Variants in EYS observed in about 807,000 individuals in gnomAD.
EYS encodes the protein protein eyes shut homolog.
Under a neutral mutation model 282.1 loss-of-function variants are expected in EYS, and 250 were observed. That is an observed-to-expected ratio of 0.89 (90% confidence interval 0.80 to 0.98). The LOEUF (loss-of-function observed/expected upper bound fraction) is 0.98. Ranked by LOEUF, EYS falls within the 50% of genes least tolerant of loss-of-function variation. EYS has a pLI of 0.00. For missense variants in EYS, 4,016 were observed against 3,709.0 expected (o/e 1.08, Z -2.15); for synonymous variants, 1,355 against 1,282.9 (o/e 1.06, Z -1.20).
intron 5 of EYS, among the ~76,000 whole-genome samples, chr6:65,438,305 T>C (rs9453300): frequency 1.4e-4 from 22 of 151,810 alleles, no homozygotes; most frequent in African/African-American, 5.3e-4. Flanking sequence ...TGAATAGTGC[T>C]GCAATAAACA....
intron 11 of EYS, among the ~76,000 whole-genome samples, chr6:65,313,690 A>G (rs1267450155): frequency 6.6e-6 from 1 of 152,112 alleles, no homozygotes; most frequent in East Asian, 1.9e-4. Flanking sequence ...CCTTCTCAGT[A>G]TCTTCACAGC....
chr6:65,229,220 T>C (rs753403131), intron 12 of EYS, among the ~76,000 whole-genome samples: 1 of 151,974 alleles, frequency 6.6e-6, no homozygotes, highest in African/African-American at 2.4e-5. Context: ...GTGTCCAGTG[T>C]ATTTAGCAAG....
intron 19 of EYS, among the ~76,000 whole-genome samples, chr6:64,841,996 A>T (rs1319640881): frequency 2.0e-5 from 3 of 152,134 alleles, no homozygotes. Context: ...CCAGGATTAG[A>T]TGGCTTTGTC....
intron 5 of EYS, among the ~76,000 whole-genome samples, chr6:65,433,136 A>G (rs1767944751): frequency 6.6e-6 from 1 of 152,206 alleles, no homozygotes; most frequent in Non-Finnish European, 1.5e-5. Flanking sequence ...GGAAAAGTCT[A>G]TTGAGCCTTT....
At chr6:63,803,214 G>A (rs1394179427) in intron 37 of EYS, among the ~76,000 whole-genome samples, 1 of 150,694 alleles carries the variant, frequency 6.6e-6, no homozygotes, top group African/African-American at 2.4e-5. Flanking sequence ...ACAGACCTAG[G>A]GTCTGCAATA....
chr6:65,442,859 C>G (rs991693211), intron 5 of EYS, among the ~76,000 whole-genome samples: 8 of 116,132 alleles, frequency 6.9e-5, no homozygotes, highest in African/African-American at 2.2e-4. Context: ...TACATATGTA[C>G]ATATATACAT....
intron 1 of EYS, among the ~76,000 whole-genome samples, chr6:65,676,681 G>A (rs1768613103): frequency 6.6e-6 from 1 of 151,704 alleles, no homozygotes. Flanking sequence ...TATTGAAGAG[G>A]AGACAATACT....
intron 12 of EYS, among the ~76,000 whole-genome samples, chr6:65,192,648 A>G (rs542826231): frequency 6.6e-6 from 1 of 151,880 alleles, no homozygotes; most frequent in South Asian, 2.1e-4. Flanking sequence ...CCCCACTAAA[A>G]CTAATGTTGA....
At chr6:65,417,427 C>A (rs899203546) in intron 5 of EYS, among the ~76,000 whole-genome samples, 2 of 152,022 alleles carry the variant, frequency 1.3e-5, no homozygotes, top group African/African-American at 4.8e-5. Context: ...ATGTGTGACT[C>A]TCACCACTCA....
At chr6:65,197,889 G>C (rs1290316176) in intron 12 of EYS, among the ~76,000 whole-genome samples, 1 of 151,732 alleles carries the variant, frequency 6.6e-6, no homozygotes, top group African/African-American at 2.4e-5. Context: ...GACATTATTG[G>C]TTTTATAAAC....
chr6:65,251,289 G>T lies in EYS; in HGVS notation c.2023+44574C>A, dbSNP rs528154582. On this transcript the variant is annotated intron_variant, in intron 12 of 42. Coordinates refer to ENST00000503581, the MANE Select transcript of EYS (RefSeq NM_001142800.2). The stretch of plus-strand genomic sequence containing the variant: ...AAATTAATTACAAAATTTATGAAAA[G>T]TAAACTACACTAGAAAATACTGATG... Among the ~76,000 whole-genome samples, 4 of 151,398 alleles carry T rather than the reference G, an allele frequency of 2.6e-5. No individual in the cohort carries two copies. The South Asian group carries it at 8.3e-4, about 31-fold the overall frequency.
At chr6:65,703,423 C>T (rs1769754900) in intron 1 of EYS, among the ~76,000 whole-genome samples, 1 of 151,812 alleles carries the variant, frequency 6.6e-6, no homozygotes. Flanking sequence ...AGACTTATAT[C>T]CTAAAATGTA....
chr6:64,144,596 A>G (rs1219617266), intron 31 of EYS, among the ~76,000 whole-genome samples: 3 of 152,114 alleles, frequency 2.0e-5, no homozygotes, highest in South Asian at 4.1e-4. Context: ...GTTCTCCTAC[A>G]TGGTGTGCTA....
intron 26 of EYS, among the ~76,000 whole-genome samples, chr6:64,486,391 C>T (rs944518290): frequency 3.3e-5 from 5 of 151,420 alleles, no homozygotes; most frequent in Admixed American, 1.3e-4. Flanking sequence ...CTATGATGCA[C>T]CAACAAAATC....
intron 12 of EYS, among the ~76,000 whole-genome samples, chr6:65,098,476 G>A (rs986619822): frequency 2.7e-5 from 4 of 150,722 alleles, no homozygotes; most frequent in African/African-American, 4.8e-5. Flanking sequence ...CTCCCATTTC[G>A]TCTAGTAAAG....
At chr6:64,246,219 T>A (rs1006504198) in intron 30 of EYS, among the ~76,000 whole-genome samples, 3 of 151,720 alleles carry the variant, frequency 2.0e-5, no homozygotes, top group Non-Finnish European at 2.9e-5. Context: ...TTTCCTTCTT[T>A]CTGTTTTATC....
rs142474582 is a variant in EYS, at chr6:65,443,094, T to C, written c.863-37727A>G. ...ATGTATGTGTCTATACATACATGCATATGCATATACATATATGTGGATCAT... is the reference window on the plus strand; with the variant it reads ...ATGTATGTGTCTATACATACATGCACATGCATATACATATATGTGGATCAT... On this transcript the variant is annotated intron_variant, in intron 5 of 42. Transcript: ENST00000503581. Among the ~76,000 whole-genome samples the C allele has an allele frequency of 9.0e-4, 137 of 151,818 alleles. 1 individual carries two copies. The highest frequency in any genetic ancestry group is 3.1e-3 in the African/African-American group (128 of 41,430).
At position 63,826,063 on chromosome 6, in the gene EYS, T is replaced by A. The variant is rs1244900663; in HGVS notation, c.7229-19691A>T. On this transcript the variant is annotated intron_variant, in intron 36 of 42. Coordinates refer to ENST00000503581, the MANE Select transcript of EYS (RefSeq NM_001142800.2). ...CTTAAAGCAAAAACAATAGAAAAAA[T>A]TCAGGAAACTTTGGACACTTTTAGA... Among the ~76,000 whole-genome samples the A allele has an allele frequency of 2.0e-5, 3 of 152,044 alleles. No homozygotes were observed. The Middle Eastern group carries it at 0.01, about 517-fold the overall frequency.
intron 12 of EYS, among the ~76,000 whole-genome samples, chr6:65,070,440 C>CA (rs1561950831): frequency 6.6e-6 from 1 of 151,818 alleles, no homozygotes; most frequent in Non-Finnish European, 1.5e-5. Flanking sequence ...CACATGCACT[C>CA]ACTGTTGGAC....
Sources: gnomAD v4.1 joint callset for allele counts (sites outside exome capture counted in the v4.1 genomes callset) on GRCh38, gnomAD v4.1.1 for gene constraint, MANE v1.5 for transcripts, NCBI Gene and HGNC (gene_info 2026-07-23, HGNC 2026-07-21) for gene names.